The following CDH8 variants were observed in gnomAD, a reference collection of about 807,000 sequenced individuals.
The protein encoded by CDH8 is cadherin-8.
In CDH8, 17 loss-of-function variants were observed where a neutral mutation model predicts 68.1. The observed-to-expected ratio is 0.25, with a 90% CI of 0.17 to 0.37. The LOEUF (loss-of-function observed/expected upper bound fraction) is 0.37. Among genes scored for constraint, CDH8 ranks in the 10% least tolerant of loss-of-function variants. The probability of loss-of-function intolerance (pLI) is 1.00; values close to 1 mark genes in which losing one functional copy is unlikely to be tolerated. For missense variants in CDH8, 763 were observed against 999.3 expected (o/e 0.76, Z 3.19); for synonymous variants, 372 against 365.1 (o/e 1.02, Z -0.21).
intron 5 of CDH8, among the ~76,000 whole-genome samples, chr16:61,824,693 T>G: frequency 6.6e-6 from 1 of 151,892 alleles, no homozygotes; most frequent in Middle Eastern, 3.2e-3. Context: ...TAGAGCAATA[T>G]CTGAGCTTCA....
intron 8 of CDH8, among the ~76,000 whole-genome samples, chr16:61,767,790 A>C (rs1423234191): frequency 6.6e-6 from 1 of 151,938 alleles, no homozygotes; most frequent in East Asian, 1.9e-4. Context: ...CTTAACAATA[A>C]AGCTAATTTG....
chr16:62,012,093 TA>T lies in CDH8; in HGVS notation c.252+9058del, dbSNP rs529352627. 7.9e-5 allele frequency among the ~76,000 whole-genome samples: 12 copies of T among 152,330 alleles called. No individual in the cohort carries two copies. The East Asian group carries it at 2.3e-3, about 29-fold the overall frequency. ...CAGATGGAAAATGCTGAACTATTTT[TA>T]AAATACCACTGTCTAGCAAACATTC... On this transcript the variant is annotated intron_variant, in intron 2 of 11. Coordinates refer to ENST00000577390, the MANE Select transcript of CDH8 (RefSeq NM_001796.5).
intron 2 of CDH8, among the ~76,000 whole-genome samples, chr16:61,910,895 A>C (rs1964149779): frequency 6.6e-6 from 1 of 152,230 alleles, no homozygotes; most frequent in Non-Finnish European, 1.5e-5. Context: ...ATACAATCTG[A>C]GCTTAACGTC....
intron 9 of CDH8, among the ~76,000 whole-genome samples, chr16:61,720,012 C>T (rs1959205286): frequency 6.6e-6 from 1 of 151,018 alleles, no homozygotes; most frequent in Non-Finnish European, 1.5e-5. Flanking sequence ...CACACACACA[C>T]ACACACACAC....
At chr16:61,960,081 A>G (rs1297947794) in intron 2 of CDH8, among the ~76,000 whole-genome samples, 3 of 138,874 alleles carry the variant, frequency 2.2e-5, no homozygotes, top group Admixed American at 1.4e-4. Context: ...ATACATATAT[A>G]CATATATGTG....
chr16:61,735,478 T>C (rs1959652283), intron 8 of CDH8, among the ~76,000 whole-genome samples: 1 of 151,190 alleles, frequency 6.6e-6, no homozygotes, highest in African/African-American at 2.5e-5. Context: ...AGAATTTCGA[T>C]AAATGCCTTT....
intron 3 of CDH8, among the ~76,000 whole-genome samples, chr16:61,870,346 A>G (rs996875463): frequency 6.6e-6 from 1 of 152,174 alleles, no homozygotes; most frequent in Non-Finnish European, 1.5e-5. Context: ...GGCAGTAAGT[A>G]TTTTGTACAT....
At chr16:61,861,537 G>A (rs1207114813) in intron 3 of CDH8, among the ~76,000 whole-genome samples, 1 of 152,102 alleles carries the variant, frequency 6.6e-6, no homozygotes, top group Non-Finnish European at 1.5e-5. Context: ...TCTTCTACAT[G>A]CTCTGTGATT....
intron 11 of CDH8, 35 bp downstream of exon 11, chr16:61,655,435 A>C (rs1221327332): frequency 6.2e-7 from 1 of 1,609,250 alleles, no homozygotes; most frequent in Non-Finnish European, 8.5e-7. Context: ...GAATCAGAAA[A>C]AGGGTGACCG....
chr16:61,895,405 TA>T (rs755596448), intron 3 of CDH8, among the ~76,000 whole-genome samples: 17 of 152,112 alleles, frequency 1.1e-4, no homozygotes, highest in Non-Finnish European at 2.4e-4. Context: ...TGATTAAAAA[TA>T]AAGAATAGAA....
intron 2 of CDH8, among the ~76,000 whole-genome samples, chr16:61,969,346 G>A (rs1056080494): frequency 6.6e-6 from 1 of 152,306 alleles, no homozygotes; most frequent in East Asian, 1.9e-4. Context: ...CGGATTCAGT[G>A]TAGATTGAAT....
At chr16:61,710,119 T>C (rs1964604791) in intron 10 of CDH8, among the ~76,000 whole-genome samples, 2 of 152,158 alleles carry the variant, frequency 1.3e-5, no homozygotes, top group Non-Finnish European at 2.9e-5. Flanking sequence ...TTTTTCTATA[T>C]GCCAGGCATT....
chr16:61,973,458 T>G (rs927678983), intron 2 of CDH8, among the ~76,000 whole-genome samples: 10 of 152,184 alleles, frequency 6.6e-5, no homozygotes, highest in African/African-American at 4.8e-5. Context: ...AAAAGCTGCA[T>G]GTAAATTTTG....
chr16:61,655,730 A>G lies in CDH8; in HGVS notation c.1655-9T>C. 1 of 1,611,536 alleles carries G rather than the reference A, an allele frequency of 6.2e-7. No individual in the cohort carries two copies. Among genetic ancestry groups the G allele is most frequent in the Non-Finnish European group, 8.5e-7 (1 of 1,177,932 alleles). ...AATACTGAGGGAATTATCTGAAAAA[A>G]GTAAAAATTACAATAATTTGCATCA... On this transcript the variant is annotated splice_polypyrimidine_tract_variant and intron_variant, in intron 10 of 11. Transcript: ENST00000577390.
chr16:62,003,298 C>T (rs1185279988), intron 2 of CDH8, among the ~76,000 whole-genome samples: 2 of 152,092 alleles, frequency 1.3e-5, no homozygotes, highest in African/African-American at 2.4e-5. Context: ...TTTATTTTAA[C>T]CTTTGCAACA....
chr16:61,688,191 C>G (rs1047364194), intron 10 of CDH8, among the ~76,000 whole-genome samples: 3 of 151,980 alleles, frequency 2.0e-5, no homozygotes, highest in African/African-American at 7.2e-5. Flanking sequence ...ATTGTGTCAC[C>G]TGCCAGTGTT....
chr16:61,930,354 T>C (rs939408542), intron 2 of CDH8, among the ~76,000 whole-genome samples: 2 of 152,064 alleles, frequency 1.3e-5, no homozygotes, highest in Admixed American at 1.3e-4. Context: ...AAATTTATTA[T>C]GTTTAAGTGC....
chr16:61,852,849 C>G (rs1467938665), intron 4 of CDH8, among the ~76,000 whole-genome samples: 2 of 149,900 alleles, frequency 1.3e-5, no homozygotes, highest in Non-Finnish European at 3.0e-5. Context: ...CTCCCTGACT[C>G]TGCCCTTCCT....
chr16:62,000,065 G>A (rs1186155512), intron 2 of CDH8, among the ~76,000 whole-genome samples: 1 of 151,764 alleles, frequency 6.6e-6, no homozygotes, highest in Admixed American at 6.6e-5. Context: ...TGTGGTGTTT[G>A]GTTTTCTGTT....
Sources: allele counts gnomAD v4.1 joint callset (sites outside exome capture counted in the v4.1 genomes callset), GRCh38; gene constraint gnomAD v4.1.1; transcripts MANE v1.5; gene names NCBI Gene and HGNC (gene_info 2026-07-23, HGNC 2026-07-21).